Variants in MEIS2 observed in about 807,000 individuals in gnomAD.
The protein encoded by MEIS2 is homeobox protein Meis2.
In MEIS2, 9 loss-of-function variants were observed where a neutral mutation model predicts 58.6. That is an observed-to-expected ratio of 0.15 (90% CI 0.09 to 0.27). The LOEUF (loss-of-function observed/expected upper bound fraction) is 0.27. Ranked by LOEUF, MEIS2 falls within the 10% of genes least tolerant of loss-of-function variation. MEIS2 has a pLI of 1.00. For missense variants in MEIS2, 427 were observed against 635.0 expected, an observed-to-expected ratio of 0.67 and a Z score of 3.52; for synonymous variants, 221 against 228.4, an observed-to-expected ratio of 0.97 and a Z score of 0.29.
At chr15:36,975,040 C>T (rs1170764247) in intron 8 of MEIS2, among the ~76,000 whole-genome samples, 2 of 152,166 alleles carry the variant, frequency 1.3e-5, no homozygotes, top group East Asian at 3.8e-4. Flanking sequence ...AGCTGACATA[C>T]CTCATTTTAA....
At chr15:37,065,524 G>T (rs978043315) in intron 7 of MEIS2, among the ~76,000 whole-genome samples, 1 of 152,114 alleles carries the variant, frequency 6.6e-6, no homozygotes, top group Non-Finnish European at 1.5e-5. Flanking sequence ...TACTGCAGAA[G>T]CACCTTTCAA....
chr15:36,957,633 G>A (rs1475037016), intron 8 of MEIS2, among the ~76,000 whole-genome samples: 2 of 152,114 alleles, frequency 1.3e-5, no homozygotes, highest in Non-Finnish European at 2.9e-5. Flanking sequence ...TGTCTTTTAT[G>A]TATACATGTG....
intron 7 of MEIS2, among the ~76,000 whole-genome samples, chr15:37,047,655 T>C (rs2062729377): frequency 6.6e-6 from 1 of 152,218 alleles, no homozygotes; most frequent in Non-Finnish European, 1.5e-5. Context: ...ACAACGGTCA[T>C]GGTTTTTATG....
chr15:36,925,636 G>A (rs1382837783), intron 9 of MEIS2, among the ~76,000 whole-genome samples: 2 of 152,058 alleles, frequency 1.3e-5, no homozygotes, highest in Non-Finnish European at 2.9e-5. Context: ...AATTTTATAG[G>A]CCCTGTTTTA....
chr15:37,018,102 A>T (rs1440889209), intron 8 of MEIS2, among the ~76,000 whole-genome samples: 1 of 152,198 alleles, frequency 6.6e-6, no homozygotes, highest in African/African-American at 2.4e-5. Context: ...GAGACTGTTA[A>T]CAAGTTAAAT....
intron 8 of MEIS2, among the ~76,000 whole-genome samples, chr15:37,020,679 T>TC: frequency 6.6e-6 from 1 of 151,924 alleles, no homozygotes; most frequent in Non-Finnish European, 1.5e-5. Flanking sequence ...CTGGTCTTTT[T>TC]TTTTTTTTTT....
At chr15:36,975,482 T>TTTTTTC (rs1434200867) in intron 8 of MEIS2, among the ~76,000 whole-genome samples, 1 of 151,442 alleles carries the variant, frequency 6.6e-6, no homozygotes, top group East Asian at 1.9e-4. Context: ...TTTTTTTTTT[T>TTTTTTC]TTCAGAGTTC....
intron 8 of MEIS2, among the ~76,000 whole-genome samples, chr15:37,024,098 A>G (rs1024685345): frequency 6.6e-6 from 1 of 151,702 alleles, no homozygotes; most frequent in Non-Finnish European, 1.5e-5. Flanking sequence ...GAGTTTCACT[A>G]TGTTGGCCAG....
At chr15:37,020,080 A>C (rs530677429) in intron 8 of MEIS2, among the ~76,000 whole-genome samples, 2 of 152,254 alleles carry the variant, frequency 1.3e-5, no homozygotes, top group South Asian at 4.2e-4. Flanking sequence ...GAAGGTCAGA[A>C]GGCATTGCTT....
intron 8 of MEIS2, among the ~76,000 whole-genome samples, chr15:36,969,671 G>T (rs1196309740): frequency 6.6e-6 from 1 of 151,944 alleles, no homozygotes; most frequent in African/African-American, 2.4e-5. Context: ...AAAGTAAAAG[G>T]GCAAAGATCA....
At chr15:37,055,426 C>T (rs1596027547) in intron 7 of MEIS2, among the ~76,000 whole-genome samples, 1 of 152,054 alleles carries the variant, frequency 6.6e-6, no homozygotes, top group Non-Finnish European at 1.5e-5. Flanking sequence ...GTGTTTTTCC[C>T]CCCACTTCCT....
chr15:36,974,220 C>T (rs779599890), intron 8 of MEIS2, among the ~76,000 whole-genome samples: 1 of 152,148 alleles, frequency 6.6e-6, no homozygotes, highest in Non-Finnish European at 1.5e-5. Context: ...TGTTTTAAAA[C>T]ACCAAACATC....
intron 9 of MEIS2, among the ~76,000 whole-genome samples, chr15:36,926,728 G>C (rs2057764130): frequency 6.6e-6 from 1 of 152,094 alleles, no homozygotes; most frequent in Non-Finnish European, 1.5e-5. Flanking sequence ...TCCTACTTTT[G>C]CATTTTGAAC....
At chr15:37,040,087 T>C (rs1398186629) in intron 7 of MEIS2, among the ~76,000 whole-genome samples, 1 of 151,040 alleles carries the variant, frequency 6.6e-6, no homozygotes, top group Admixed American at 6.6e-5. Context: ...TGTGTGTGTG[T>C]GTGTGTGTGG....
At chr15:36,942,126 G>A (rs1264520076) in intron 9 of MEIS2, among the ~76,000 whole-genome samples, 3 of 152,138 alleles carry the variant, frequency 2.0e-5, no homozygotes, top group African/African-American at 7.2e-5. Context: ...CCTGAGTGCA[G>A]AATTAAGGAT....
Position 37,095,580 on chromosome 15 carries a change from G to T in MEIS2, c.422C>A (p.Pro141Gln). 4 of 1,614,182 alleles carry T rather than the reference G, an allele frequency of 2.5e-6. No individual in the cohort carries two copies. Among genetic ancestry groups the T allele is most frequent in the Non-Finnish European group, 3.4e-6 (4 of 1,180,038 alleles). ...RAEKPLFSSN[P>Q]ELDNLMIQAI... ...GAGCCTTACCAAATTGTCCAGCTCTGGATTTGAGGAAAAAAGTGGCTTTTC... is the reference window on the plus strand; with the variant it reads ...GAGCCTTACCAAATTGTCCAGCTCTTGATTTGAGGAAAAAAGTGGCTTTTC... Residue 141 changes from proline to glutamine, a missense_variant, in exon 4 of 12, where the codon CCA becomes CAA. Pro to Gln is a moderately conservative substitution (Grantham distance 76). Transcript: ENST00000561208.
intron 8 of MEIS2, among the ~76,000 whole-genome samples, chr15:36,964,019 G>A (rs1326943700): frequency 1.3e-5 from 2 of 152,226 alleles, no homozygotes; most frequent in East Asian, 3.8e-4. Context: ...AACATAGACT[G>A]TGCTTTACTG....
intron 7 of MEIS2, among the ~76,000 whole-genome samples, chr15:37,077,509 C>A (rs894188626): frequency 6.6e-6 from 1 of 152,064 alleles, no homozygotes; most frequent in Non-Finnish European, 1.5e-5. Flanking sequence ...CACACATATT[C>A]ATTGTCTGCT....
rs961696890 is a variant in MEIS2 at position 37,047,100 on chromosome 15, T to C, written c.755-10141A>G. ...AGCACATATAAAAGTACAGAGTATG[T>C]TCTGAAGTTATTCACAGTACATCAT... On this transcript the variant is annotated intron_variant, in intron 7 of 11. Transcript: ENST00000561208. Among the ~76,000 whole-genome samples, 3 of 152,290 alleles carry C rather than the reference T, an allele frequency of 2.0e-5. No individual in the cohort carries two copies. In the Middle Eastern group the frequency reaches 0.01, roughly 518 times the overall value.
Sources: gnomAD v4.1 joint callset for allele counts (sites outside exome capture counted in the v4.1 genomes callset) on GRCh38, gnomAD v4.1.1 for gene constraint, MANE v1.5 for transcripts, NCBI Gene and HGNC (gene_info 2026-07-23, HGNC 2026-07-21) for gene names.